The following RYR2 variants were observed in gnomAD, a reference collection of about 807,000 sequenced individuals.
RYR2 encodes the protein ryanodine receptor 2.
RYR2 carries 227 observed loss-of-function variants against 601.1 expected under a neutral mutation model. The ratio of observed to expected loss-of-function variants is 0.38; its 90% confidence interval spans 0.34 to 0.42. The LOEUF (loss-of-function observed/expected upper bound fraction) is 0.42. RYR2 is among the 10% of genes least tolerant of loss of function. The pLI is 1.00. For synonymous variants in RYR2, 2,223 were observed against 2,175.1 expected, an observed-to-expected ratio of 1.02 and a Z score of -0.61; for missense variants, 4,646 against 6,156.5, an observed-to-expected ratio of 0.75 and a Z score of 8.21.
chr1:237,402,230 C>CA (rs5781953), intron 10 of RYR2, among the ~76,000 whole-genome samples: 100,657 of 144,268 alleles, frequency 0.7, 35,091 homozygotes, highest in East Asian at 0.98. Flanking sequence ...CTTGTCTCTA[C>CA]AAAAAAAAAA....
chr1:237,759,276 C>CG (rs1398364860), intron 82 of RYR2, among the ~76,000 whole-genome samples: 1 of 151,960 alleles, frequency 6.6e-6, no homozygotes, highest in Admixed American at 6.6e-5. Flanking sequence ...TTAGTAGAGA[C>CG]GGGGTTTCAC....
At chr1:237,435,673 A>C (rs534814043) in intron 12 of RYR2, among the ~76,000 whole-genome samples, 34 of 152,346 alleles carry the variant, frequency 2.2e-4, no homozygotes, top group African/African-American at 7.9e-4. Flanking sequence ...AACATATCAT[A>C]ATTTGATAGT....
chr1:237,306,119 A>G (rs190805259), intron 2 of RYR2, among the ~76,000 whole-genome samples: 1 of 152,316 alleles, frequency 6.6e-6, no homozygotes, highest in African/African-American at 2.4e-5. Flanking sequence ...TGATTGACAA[A>G]CTGAGAAGAG....
chr1:237,530,836 G>A (rs191234076), intron 25 of RYR2, among the ~76,000 whole-genome samples: 1 of 152,008 alleles, frequency 6.6e-6, no homozygotes, highest in African/African-American at 2.4e-5. Context: ...CTTGAACTTG[G>A]GAGGCAGAGG....
chr1:237,353,511 G>GAAAAA (rs61606386), intron 3 of RYR2, among the ~76,000 whole-genome samples: 4 of 52,524 alleles, frequency 7.6e-5, no homozygotes, highest in African/African-American at 1.1e-4. Context: ...TCCGTCTCAA[G>GAAAAA]AAAAAAAAAA....
chr1:237,609,971 G>A (rs981875409), intron 35 of RYR2, among the ~76,000 whole-genome samples: 1 of 152,146 alleles, frequency 6.6e-6, no homozygotes, highest in African/African-American at 2.4e-5. Flanking sequence ...CAATAGGAAA[G>A]CAGTTTGAGG....
intron 61 of RYR2, among the ~76,000 whole-genome samples, chr1:237,679,372 C>T (rs890987812): frequency 6.6e-6 from 1 of 152,164 alleles, no homozygotes; most frequent in African/African-American, 2.4e-5. Context: ...TAAATTCAAG[C>T]AATGTCCCAA....
At chr1:237,473,477 C>CTTTCTTTCTTTCTTTCTTTCTTTCT (rs1553464755) in intron 17 of RYR2, among the ~76,000 whole-genome samples, 3 of 145,674 alleles carry the variant, frequency 2.1e-5, no homozygotes, top group East Asian at 2.1e-4. Flanking sequence ...ATCTATCTAT[C>CTTTCTTTCTTTCTTTCTTTCTTTCT]TGGCATATAT....
chr1:237,446,692 A>G (rs1708371263), intron 14 of RYR2, among the ~76,000 whole-genome samples: 1 of 152,174 alleles, frequency 6.6e-6, no homozygotes, highest in Non-Finnish European at 1.5e-5. Context: ...AAAAATGTGC[A>G]CAGCATTTGG....
In RYR2 at chr1:237,503,290, G is replaced by A. The variant is rs1458108392; in HGVS notation, c.2398G>A (p.Val800Ile). The A allele has an allele frequency of 6.2e-7, 1 of 1,601,664 alleles. No individual in the cohort carries two copies. Among genetic ancestry groups the A allele is most frequent in the Non-Finnish European group, 8.5e-7 (1 of 1,173,562 alleles). Residue 800 changes from valine to isoleucine, a missense_variant and splice_region_variant, in exon 22 of 105, where the codon GTA becomes ATA. Coordinates refer to ENST00000366574, the MANE Select transcript of RYR2 (RefSeq NM_001035.3). ...GACTCTAACGTGCATCCTCTTTAGAGTACGCTTTCTGCTTGGAGGGCGACA... is the reference window on the plus strand; with the variant it reads ...GACTCTAACGTGCATCCTCTTTAGAATACGCTTTCTGCTTGGAGGGCGACA... ...PVVSFSAGIK[V>I]RFLLGGRHGE...
At chr1:237,591,076 A>T (rs374040395) in intron 31 of RYR2, 84 bp downstream of exon 31, 10 of 1,110,338 alleles carry the variant, frequency 9.0e-6, no homozygotes, top group African/African-American at 8.1e-5. Context: ...CCTAGTGTAA[A>T]TTTTTTCCTC....
intron 1 of RYR2, among the ~76,000 whole-genome samples, chr1:237,203,433 T>C (rs1390066641): frequency 6.6e-6 from 1 of 152,230 alleles, no homozygotes; most frequent in African/African-American, 2.4e-5. Context: ...GGTAAGAGTA[T>C]ATATTGGATC....
In RYR2 at chr1:237,530,238, G is replaced by A. The variant is rs914694335; in HGVS notation, c.2823-189G>A. 2.0e-5 allele frequency among the ~76,000 whole-genome samples: 3 copies of A among 151,812 alleles called. No homozygotes were observed. In the East Asian group the frequency reaches 5.8e-4, roughly 30 times the overall value. On this transcript the variant is annotated intron_variant, in intron 24 of 104. Coordinates refer to ENST00000366574, the MANE Select transcript of RYR2 (RefSeq NM_001035.3). ...AGGCAGGAGAATGGCGTGAATCCGGGAGGCGGAGCTTGCAGTGAGCCGAGA... is the reference window on the plus strand; with the variant it reads ...AGGCAGGAGAATGGCGTGAATCCGGAAGGCGGAGCTTGCAGTGAGCCGAGA...
intron 34 of RYR2, 145 bp from the exon 35 acceptor site, chr1:237,601,880 C>G (rs1253751575): frequency 1.6e-6 from 1 of 620,022 alleles, no homozygotes; most frequent in East Asian, 2.9e-5. Flanking sequence ...TACTCTAATT[C>G]TTGAAGGAGC....
At chr1:237,401,890 G>A (rs1703380483) in intron 10 of RYR2, among the ~76,000 whole-genome samples, 1 of 151,992 alleles carries the variant, frequency 6.6e-6, no homozygotes, top group Non-Finnish European at 1.5e-5. Context: ...TGATGTAATG[G>A]GCTCATGAAT....
chr1:237,352,292 T>C (rs537909722), intron 3 of RYR2, among the ~76,000 whole-genome samples: 9 of 152,068 alleles, frequency 5.9e-5, no homozygotes, highest in Non-Finnish European at 1.2e-4. Context: ...ATCAGTTATA[T>C]TTTTATATTC....
intron 35 of RYR2, among the ~76,000 whole-genome samples, chr1:237,606,782 T>C (rs1219857687): frequency 6.6e-6 from 1 of 152,172 alleles, no homozygotes; most frequent in African/African-American, 2.4e-5. Flanking sequence ...GAACAGACAC[T>C]TCTCAAAAGA....
chr1:237,270,400 T>A (rs1689561729), intron 1 of RYR2, 97 bp from the exon 2 acceptor site: 1 of 1,495,936 alleles, frequency 6.7e-7, no homozygotes, highest in Non-Finnish European at 9.1e-7. Flanking sequence ...CACAGATTTT[T>A]AAAATGCACT....
Position 237,445,507 on chromosome 1 carries a change from T to G in RYR2, c.1277T>G (p.Phe426Cys). ...GTTATCCGGAGCACAGTCTTCCTTT[T>G]CAATAGATTTATAAGGTACTTTTTC... ...ARVIRSTVFL[F>C]NRFIRGLDAL... Residue 426 changes from phenylalanine to cysteine, a missense_variant, in exon 14 of 105, where the codon TTC becomes TGC. Physicochemically the swap from Phe to Cys is radical, Grantham distance 205. This residue lies in a region of RYR2 where 1,807 missense variants were observed against 2,088.1 expected (regional missense o/e 0.87). Transcript: ENST00000366574. 6.2e-7 allele frequency: 1 copy of G among 1,613,582 alleles called. No individual in the cohort carries two copies. Among genetic ancestry groups the G allele is most frequent in the Non-Finnish European group, 8.5e-7 (1 of 1,179,614 alleles).
Sources: gnomAD v4.1 joint callset for allele counts (sites outside exome capture counted in the v4.1 genomes callset) on GRCh38, gnomAD v4.1.1 for gene constraint, gnomAD v4.1.1 regional missense constraint, MANE v1.5 for transcripts, NCBI Gene and HGNC (gene_info 2026-07-23, HGNC 2026-07-21) for gene names.